KIF1A: variants seen among roughly 807,000 people sequenced by gnomAD.
KIF1A encodes kinesin-like protein KIF1A.
A neutral mutation model predicts 227.3 loss-of-function variants in KIF1A; 46 were observed. The observed-to-expected ratio is 0.20, with a 90% CI of 0.16 to 0.26. The LOEUF (loss-of-function observed/expected upper bound fraction) is 0.26, where lower values mean the gene tolerates loss of function less well. Among genes scored for constraint, KIF1A ranks in the 10% least tolerant of loss-of-function variants. KIF1A has a pLI of 1.00. For synonymous variants in KIF1A, 1,022 were observed against 1,012.8 expected (o/e 1.01, Z -0.17); for missense variants, 1,683 against 2,485.9 (o/e 0.68, Z 6.87).
At chr2:240,731,615 G>T (rs1279528655) in intron 38 of KIF1A, among the ~76,000 whole-genome samples, 1 of 152,206 alleles carries the variant, frequency 6.6e-6, no homozygotes, top group Non-Finnish European at 1.5e-5. Flanking sequence ...CAGGTCAGGG[G>T]CTCGGCCCTG....
chr2:240,718,509 A>G (rs1280723092), intron 47 of KIF1A, among the ~76,000 whole-genome samples: 2 of 152,290 alleles, frequency 1.3e-5, no homozygotes, highest in East Asian at 3.9e-4. Context: ...TCAAAAAACC[A>G]TCTCGTAGAC....
chr2:240,766,739 T>A lies in KIF1A; in HGVS notation c.1684+176A>T, dbSNP rs1235677582. Among the ~76,000 whole-genome samples, 21 of 111,348 alleles carry A rather than the reference T, an allele frequency of 1.9e-4. No individual in the cohort carries two copies. Among genetic ancestry groups the A allele is most frequent in the African/African-American group, 7.4e-4 (20 of 27,032 alleles). The allele number at this position is 111,348 out of a possible 152,430, so 73.0% of individuals were successfully genotyped here. On this transcript the variant is annotated intron_variant, in intron 19 of 48. Coordinates refer to ENST00000498729, the MANE Select transcript of KIF1A (RefSeq NM_001244008.2). The surrounding 1 kb of genome is among the most constrained non-coding windows in gnomAD (Gnocchi z 5.0). ...CTCTCCAAATCTCTCTCTCTCTCTC[T>A]CTCTCTCTCTCACACACACACACAC... is the stretch of plus-strand genomic sequence containing the variant.
chr2:240,762,879 G>C (rs1286517567), intron 22 of KIF1A, 67 bp from the exon 23 acceptor site: 2 of 1,456,562 alleles, frequency 1.4e-6, no homozygotes, highest in Non-Finnish European at 1.9e-6. Context: ...ACTGCGCCTA[G>C]ACAGTGGGCC....
intron 28 of KIF1A, chr2:240,748,607 C>A: frequency 4.4e-6 from 1 of 226,118 alleles, no homozygotes; most frequent in Non-Finnish European, 1.0e-5. Context: ...GGAGGGGAGA[C>A]AGAGGTGATA....
At position 240,717,349 on chromosome 2, in the gene KIF1A, C is replaced by G. The variant is rs762837283; in HGVS notation, c.*15G>C. The G allele has an allele frequency of 1.4e-5, 22 of 1,609,764 alleles. No individual in the cohort carries two copies. Among genetic ancestry groups the G allele is most frequent in the Non-Finnish European group, 1.9e-5 (22 of 1,178,482 alleles). On this transcript the variant is annotated 3_prime_UTR_variant, in exon 49 of 49. Transcript: ENST00000498729. ...GATGGGCTGGGCCTGCCGGCTGTCA[C>G]GGGAGGGCTCAGGTTCAGACCCGCA... is the stretch of plus-strand genomic sequence containing the variant.
chr2:240,784,835 A>C (rs2054515730), intron 7 of KIF1A, among the ~76,000 whole-genome samples, 154 bp downstream of exon 7: 1 of 151,662 alleles, frequency 6.6e-6, no homozygotes, highest in African/African-American at 2.4e-5. Flanking sequence ...GGACGTCCAC[A>C]CCTGGTGCCA....
At chr2:240,720,849 C>G (rs1251850349) in intron 45 of KIF1A, 65 bp downstream of exon 45, 2 of 1,480,464 alleles carry the variant, frequency 1.4e-6, no homozygotes, top group Non-Finnish European at 1.8e-6. Context: ...GTGCCCGAGT[C>G]ACGGCCATGG....
In KIF1A at chr2:240,725,305, G is replaced by C. The variant is rs1202184921; in HGVS notation, c.4222C>G (p.Leu1408Val). 6.2e-7 allele frequency: 1 copy of C among 1,609,310 alleles called. No individual in the cohort carries two copies. Among genetic ancestry groups the C allele is most frequent in the Non-Finnish European group, 8.5e-7 (1 of 1,178,538 alleles). Residue 1408 changes from leucine to valine, a missense_variant, in exon 40 of 49, where the codon CTC becomes GTC. Leu to Val is a conservative substitution (Grantham distance 32). Transcript: ENST00000498729. The surrounding 1 kb of genome is among the most constrained non-coding windows in gnomAD (Gnocchi z 5.8). Reference sequence around the variant, plus strand: ...GCCCGAAGGCTCCCACTGCCAAAGAGGTTGCGGATGGAGCGCGAGGCTGGC... The same window carrying C: ...GCCCGAAGGCTCCCACTGCCAAAGACGTTGCGGATGGAGCGCGAGGCTGGC... Reference protein sequence around the residue: ...KLPASRSIRNLFGSGSLRASE... With the variant: ...KLPASRSIRNVFGSGSLRASE...
intron 1 of KIF1A, among the ~76,000 whole-genome samples, chr2:240,801,776 G>A (rs1048688650): frequency 5.3e-5 from 8 of 152,194 alleles, no homozygotes; most frequent in Non-Finnish European, 1.2e-4. Context: ...GCGTCTAGGA[G>A]CCAGAAAGCA....
At position 240,788,354 on chromosome 2, in the gene KIF1A, A is replaced by C. The variant is rs1370057162; in HGVS notation, c.184-124T>G. 2.4e-6 allele frequency: 2 copies of C among 823,260 alleles called. No homozygotes were observed. Among genetic ancestry groups the C allele is most frequent in the African/African-American group, 3.4e-5 (2 of 58,288 alleles). The allele number at this position is 823,260 out of a possible 1,614,324, so 51.0% of individuals were successfully genotyped here. A position where few individuals can be genotyped will look rare whatever the true frequency, so the allele number is the denominator to read the frequency against. On this transcript the variant is annotated intron_variant, in intron 3 of 48. Transcript: ENST00000498729. The surrounding 1 kb of genome is among the most constrained non-coding windows in gnomAD (Gnocchi z 6.6). ...TGCCAGGGCAGCACAGTGGGGAGGG[A>C]TGCCTGCCCCCCATCCTACTCCTGC...
rs2047805183 is a variant in KIF1A, at chr2:240,740,274, G to A, written c.3816+24C>T. On this transcript the variant is annotated intron_variant, in intron 36 of 48. Coordinates refer to ENST00000498729, the MANE Select transcript of KIF1A (RefSeq NM_001244008.2). This position sits in a 1 kb window ranked among gnomAD's most constrained non-coding sequence, Gnocchi z 6.1. ...GGGGTGGGGGAGGGGACACAGGCAG[G>A]GTAGGGGCAAGAGGGGCTCACACCT... 2 of 1,607,382 alleles carry A rather than the reference G, an allele frequency of 1.2e-6. No homozygotes were observed. Among genetic ancestry groups the A allele is most frequent in the Admixed American group, 3.3e-5 (2 of 59,788 alleles).
chr2:240,739,987 C>G lies in KIF1A; in HGVS notation c.3901+71G>C. 1 of 1,239,760 alleles carries G rather than the reference C, an allele frequency of 8.1e-7. No homozygotes were observed. Among genetic ancestry groups the G allele is most frequent in the Non-Finnish European group, 1.2e-6 (1 of 865,248 alleles). The allele number at this position is 1,239,760 out of a possible 1,614,324, so 76.8% of individuals were successfully genotyped here. A position where few individuals can be genotyped will look rare whatever the true frequency, so the allele number is the denominator to read the frequency against. ...AGAGGTGTGGTTAGAACCCGGGTAT[C>G]CAGCTCAGGGCCTGTACTCTTCCCA... On this transcript the variant is annotated intron_variant, in intron 37 of 48. Transcript: ENST00000498729. The surrounding 1 kb of genome is among the most constrained non-coding windows in gnomAD (Gnocchi z 5.6).
chr2:240,750,237 G>A (rs1368663132), intron 28 of KIF1A, among the ~76,000 whole-genome samples, 192 bp downstream of exon 28: 2 of 152,234 alleles, frequency 1.3e-5, no homozygotes, highest in East Asian at 1.9e-4. Context: ...AGCCCGGGGC[G>A]CCAGCCCAGG....
rs886055837 is a variant in KIF1A, at chr2:240,797,790, G to C, written c.-38C>G. The stretch of plus-strand genomic sequence containing the variant: ...CGTGGGTCACTCCTCGCAGTAGTGG[G>C]AGCCCCAGTGTGGGGGGAACACCTT... On this transcript the variant is annotated 5_prime_UTR_variant, in exon 2 of 49. Transcript: ENST00000498729. 7.4e-6 allele frequency: 10 copies of C among 1,343,366 alleles called. No homozygotes were observed. Among genetic ancestry groups the C allele is most frequent in the South Asian group, 1.2e-5 (1 of 82,426 alleles). The allele number at this position is 1,343,366 out of a possible 1,614,324, so 83.2% of individuals were successfully genotyped here.
chr2:240,817,187 C>T (rs1274249813), intron 1 of KIF1A, among the ~76,000 whole-genome samples: 3 of 152,224 alleles, frequency 2.0e-5, no homozygotes, highest in South Asian at 2.1e-4. Context: ...CCGGCAAGGA[C>T]GCAGGCCCAA....
chr2:240,789,717 C>T lies in KIF1A; in HGVS notation c.107-405G>A, dbSNP rs1307610598. The stretch of plus-strand genomic sequence containing the variant: ...CTGCTCAGGCCTTTATGCTCCGGCT[C>T]AGCGTGCACGTGCCCGAGAAGCGCT... On this transcript the variant is annotated intron_variant, in intron 2 of 48. Coordinates refer to ENST00000498729, the MANE Select transcript of KIF1A (RefSeq NM_001244008.2). The surrounding 1 kb of genome is among the most constrained non-coding windows in gnomAD (Gnocchi z 4.8). Among the ~76,000 whole-genome samples the T allele has an allele frequency of 6.6e-6, 1 of 152,188 alleles. No individual in the cohort carries two copies. Among genetic ancestry groups the T allele is most frequent in the Non-Finnish European group, 1.5e-5 (1 of 68,028 alleles).
At chr2:240,801,033 A>G (rs935347829) in intron 1 of KIF1A, among the ~76,000 whole-genome samples, 6 of 152,152 alleles carry the variant, frequency 3.9e-5, no homozygotes, top group Admixed American at 2.6e-4. Flanking sequence ...AACCCAGGAT[A>G]ATCTCTGTAC....
At position 240,715,248 on chromosome 2, in the gene KIF1A, C is replaced by G. The variant is rs1273384706; in HGVS notation, c.*2116G>C. 6.6e-6 allele frequency: 1 copy of G among 152,484 alleles called. No homozygotes were observed. Among genetic ancestry groups the G allele is most frequent in the Admixed American group, 6.5e-5 (1 of 15,292 alleles). The allele number at this position is 152,484 out of a possible 1,614,324, so 9.4% of individuals were successfully genotyped here. The stretch of plus-strand genomic sequence containing the variant: ...CTTGCTGCATCTTGGTCCACTGCCT[C>G]CAGAGGTCACCCATGGGGAGCACAG... On this transcript the variant is annotated 3_prime_UTR_variant, in exon 49 of 49. Transcript: ENST00000498729.
At chr2:240,763,939 T>G (rs1033619784) in intron 20 of KIF1A, among the ~76,000 whole-genome samples, 1 of 152,084 alleles carries the variant, frequency 6.6e-6, no homozygotes, top group Non-Finnish European at 1.5e-5. Flanking sequence ...CACCGAGGCA[T>G]GGGCATCAGT....
Sources: gnomAD v4.1 joint callset for allele counts (sites outside exome capture counted in the v4.1 genomes callset) on GRCh38, gnomAD v4.1.1 for gene constraint, Gnocchi (gnomAD v3.1) non-coding constraint, MANE v1.5 for transcripts, NCBI Gene and HGNC (gene_info 2026-07-23, HGNC 2026-07-21) for gene names.